AFF3: variants seen among roughly 807,000 people sequenced by gnomAD.
AFF3 encodes the protein AF4/FMR2 family member 3.
A neutral mutation model predicts 129.7 loss-of-function variants in AFF3; 32 were observed. The ratio of observed to expected loss-of-function variants is 0.25; its 90% confidence interval spans 0.19 to 0.33. The LOEUF is 0.33. Among genes scored for constraint, AFF3 ranks in the 10% least tolerant of loss-of-function variants. The probability of loss-of-function intolerance (pLI) is 1.00; values close to 1 mark genes in which losing one functional copy is unlikely to be tolerated. For synonymous variants in AFF3, 644 were observed against 635.4 expected, an observed-to-expected ratio of 1.01 and a Z score of -0.20; for missense variants, 1,373 against 1,592.0, an observed-to-expected ratio of 0.86 and a Z score of 2.34.
intron 1 of AFF3, among the ~76,000 whole-genome samples, chr2:100,132,624 T>A (rs1692468725): frequency 6.6e-6 from 1 of 152,218 alleles, no homozygotes; most frequent in Non-Finnish European, 1.5e-5. Context: ...TATAAGGCAG[T>A]ATACATACAC....
chr2:100,067,967 T>C (rs1687861753), intron 4 of AFF3, among the ~76,000 whole-genome samples: 1 of 152,090 alleles, frequency 6.6e-6, no homozygotes, highest in Admixed American at 6.5e-5. Context: ...AGATGAGAAA[T>C]AGTTTAAACA....
intron 11 of AFF3, among the ~76,000 whole-genome samples, chr2:99,676,160 G>C (rs896968862): frequency 2.6e-5 from 4 of 152,136 alleles, no homozygotes; most frequent in Admixed American, 2.6e-4. Context: ...TACCCCAGCT[G>C]ATGGGGCCCC....
chr2:99,820,938 T>C (rs545267511), intron 8 of AFF3, among the ~76,000 whole-genome samples: 1 of 136,316 alleles, frequency 7.3e-6, no homozygotes, highest in Non-Finnish European at 1.5e-5. Flanking sequence ...AGTGGCGCAA[T>C]CTTGGCTCAC....
intron 4 of AFF3, among the ~76,000 whole-genome samples, chr2:100,086,248 C>T (rs967260635): frequency 1.8e-4 from 28 of 152,364 alleles, no homozygotes; most frequent in Non-Finnish European, 2.9e-4. Flanking sequence ...TCTGGCTGGG[C>T]GCCATGGCTC....
At chr2:99,689,042 G>A (rs1238551261) in intron 11 of AFF3, among the ~76,000 whole-genome samples, 2 of 152,048 alleles carry the variant, frequency 1.3e-5, no homozygotes, top group African/African-American at 4.8e-5. Context: ...CCTCCCTACA[G>A]ACAACAAAAC....
intron 8 of AFF3, among the ~76,000 whole-genome samples, chr2:99,809,327 C>T (rs965175810): frequency 3.3e-5 from 5 of 152,190 alleles, no homozygotes; most frequent in East Asian, 1.9e-4. Flanking sequence ...TCAGGGTCTA[C>T]GGGGCAAGCC....
In AFF3 at chr2:100,142,247, G is replaced by C. The variant is rs11900482; in HGVS notation, c.-228+237C>G. On this transcript the variant is annotated intron_variant, in intron 1 of 24. Transcript: ENST00000672756. ...ACACACATGCACACGCACACACACT[G>C]ACGGCTTCAGTGACCAACTTTGGTC... 0.37 allele frequency among the ~76,000 whole-genome samples: 56,256 copies of C among 151,672 alleles called. 10,689 individuals carry two copies. The highest frequency in any genetic ancestry group is 0.57 in the East Asian group (2,916 of 5,144).
intron 7 of AFF3, among the ~76,000 whole-genome samples, chr2:99,931,267 C>A (rs1235484619): frequency 6.6e-6 from 1 of 152,182 alleles, no homozygotes; most frequent in Non-Finnish European, 1.5e-5. Context: ...TCAAGCCACT[C>A]CCTGGAGATG....
intron 24 of AFF3, among the ~76,000 whole-genome samples, chr2:99,553,918 CAAAAAAAA>C (rs61326965): frequency 1.8e-5 from 1 of 56,974 alleles, no homozygotes; most frequent in Non-Finnish European, 3.1e-5. Flanking sequence ...TGTCTCAAAC[CAAAAAAAA>C]AAAAAAAAAA....
chr2:100,007,449 C>T lies in AFF3; in HGVS notation c.186G>A (p.Gly62=). The stretch of plus-strand genomic sequence containing the variant: ...TCTGGATCCGGTTGGAGAGTTCATC[C>T]CCCTTGTTAGTCTGGAGAAAGAAAA... The part of the protein sequence containing the change: ...LFSEPYKTNK[G]DELSNRIQNT... The change falls in exon 6 of 25, where the codon GGG becomes GGA. Residue 62 remains glycine (G), a synonymous_variant. Coordinates refer to ENST00000672756, the MANE Select transcript of AFF3 (RefSeq NM_001386135.1). 2 of 1,612,326 alleles carry T rather than the reference C, an allele frequency of 1.2e-6. No homozygotes were observed. Among genetic ancestry groups the T allele is most frequent in the South Asian group, 1.1e-5 (1 of 91,006 alleles).
At chr2:99,976,281 T>G (rs1277336495) in intron 7 of AFF3, among the ~76,000 whole-genome samples, 1 of 152,212 alleles carries the variant, frequency 6.6e-6, no homozygotes, top group Non-Finnish European at 1.5e-5. Context: ...TTTTTCTTTC[T>G]GGTCATCAAT....
At chr2:100,069,292 A>G (rs934760635) in intron 4 of AFF3, among the ~76,000 whole-genome samples, 1 of 152,192 alleles carries the variant, frequency 6.6e-6, no homozygotes, top group African/African-American at 2.4e-5. Flanking sequence ...AAAGATAATC[A>G]GATCTATACC....
intron 9 of AFF3, among the ~76,000 whole-genome samples, chr2:99,746,067 C>T (rs1681127570): frequency 1.3e-5 from 2 of 151,804 alleles, no homozygotes; most frequent in South Asian, 4.2e-4. Flanking sequence ...TCAGACTTCA[C>T]CACTATATAA....
chr2:100,007,432 C>T lies in AFF3; in HGVS notation c.203G>A (p.Arg68Gln), dbSNP rs780730596. 5 of 1,613,864 alleles carry T rather than the reference C, an allele frequency of 3.1e-6. No individual in the cohort carries two copies. The highest frequency in any genetic ancestry group is 1.1e-5 in the South Asian group (1 of 91,078). The change falls in exon 6 of 25, where the codon CGG (arginine) becomes CAG (glutamine). Residue 68 changes from arginine (R) to glutamine (Q), a missense_variant. Physicochemically the swap from Arg to Gln is conservative, Grantham distance 43 (BLOSUM62 1). This residue lies in a region of AFF3 where 255 missense variants were observed against 256.0 expected (regional missense o/e 1.00). Coordinates refer to ENST00000672756, the MANE Select transcript of AFF3 (RefSeq NM_001386135.1). ...KTNKGDELSN[R>Q]IQNTLGNYDE... ...ATAATTGCCTAAAGTGTTCTGGATC[C>T]GGTTGGAGAGTTCATCCCCCTTGTT...
chr2:99,806,066 A>G (rs1347190985), intron 8 of AFF3, among the ~76,000 whole-genome samples: 1 of 152,202 alleles, frequency 6.6e-6, no homozygotes, highest in African/African-American at 2.4e-5. Context: ...TAGAAAAAAA[A>G]AAGAGCAGAA....
intron 2 of AFF3, among the ~76,000 whole-genome samples, chr2:100,128,611 G>A (rs1185436935): frequency 6.6e-6 from 1 of 152,186 alleles, no homozygotes; most frequent in Non-Finnish European, 1.5e-5. Context: ...TGAATGCGGA[G>A]AATTGCGACC....
At position 100,083,492 on chromosome 2, in the gene AFF3, C is replaced by T. The variant is rs1026568690; in HGVS notation, c.53+20910G>A. Among the ~76,000 whole-genome samples the T allele has an allele frequency of 4.6e-5, 7 of 152,190 alleles. No individual in the cohort carries two copies. The East Asian group carries it at 5.8e-4, about 13-fold the overall frequency. ...ATCACCGCACTTCTGCCTGGCACAA[C>T]GGCTTTGCCAAGCTACCCTCTTCGT... On this transcript the variant is annotated intron_variant, in intron 4 of 24. Coordinates refer to ENST00000672756, the MANE Select transcript of AFF3 (RefSeq NM_001386135.1).
intron 8 of AFF3, among the ~76,000 whole-genome samples, chr2:99,820,175 T>C (rs1368274922): frequency 1.3e-5 from 2 of 152,134 alleles, no homozygotes; most frequent in Non-Finnish European, 2.9e-5. Flanking sequence ...GCAAGCATCA[T>C]AGAGTGCACT....
At position 99,974,231 on chromosome 2, in the gene AFF3, T is replaced by C. The variant is rs187831751; in HGVS notation, c.873+32401A>G. Among the ~76,000 whole-genome samples, 20 of 152,344 alleles carry C rather than the reference T, an allele frequency of 1.3e-4. No individual in the cohort carries two copies. The South Asian group carries it at 3.7e-3, about 28-fold the overall frequency. On this transcript the variant is annotated intron_variant, in intron 7 of 24. Coordinates refer to ENST00000672756, the MANE Select transcript of AFF3 (RefSeq NM_001386135.1). ...TTTTTTTTAATTAAGTGAATCTCTA[T>C]AATAATTCCTATTTGATTGAAACTG...
Sources: gnomAD v4.1 joint callset for allele counts (sites outside exome capture counted in the v4.1 genomes callset) on GRCh38, gnomAD v4.1.1 for gene constraint, gnomAD v4.1.1 regional missense constraint, MANE v1.5 for transcripts, NCBI Gene and HGNC (gene_info 2026-07-23, HGNC 2026-07-21) for gene names.